Variants in WDFY2 observed in about 807,000 individuals in gnomAD.
WDFY2 encodes WD repeat and FYVE domain containing 2, also known as WD repeat and FYVE domain-containing protein 2.
WDFY2 carries 36 observed loss-of-function variants against 56.4 expected under a neutral mutation model. The observed-to-expected ratio is 0.64, with a 90% CI of 0.49 to 0.84. The LOEUF (loss-of-function observed/expected upper bound fraction) is 0.84, where lower values mean the gene tolerates loss of function less well. Among genes scored for constraint, WDFY2 ranks in the 40% least tolerant of loss-of-function variants. The probability of loss-of-function intolerance (pLI) is 0.00; values close to 1 mark genes in which losing one functional copy is unlikely to be tolerated. For missense variants in WDFY2, 444 were observed against 512.2 expected, an observed-to-expected ratio of 0.87 and a Z score of 1.29; for synonymous variants, 176 against 183.7, an observed-to-expected ratio of 0.96 and a Z score of 0.34.
At chr13:51,587,505 G>T (rs1279528085) in intron 1 of WDFY2, 1 of 152,160 alleles carries the variant, frequency 6.6e-6, no homozygotes, top group Non-Finnish European at 1.5e-5. Context: ...CCTATGAAAG[G>T]CTTATGTGGA....
intron 1 of WDFY2, among the ~76,000 whole-genome samples, chr13:51,638,278 G>A (rs1305089111): frequency 6.6e-6 from 1 of 152,130 alleles, no homozygotes; most frequent in East Asian, 1.9e-4. Context: ...AAGGAGTAAG[G>A]AGACCAGCTA....
At chr13:51,590,850 C>T (rs1174855591) in intron 1 of WDFY2, 1 of 151,986 alleles carries the variant, frequency 6.6e-6, no homozygotes, top group African/African-American at 2.4e-5. Flanking sequence ...GGGCAGGGAG[C>T]CTCTTCATCC....
At chr13:51,683,933 A>G (rs908937322) in intron 3 of WDFY2, among the ~76,000 whole-genome samples, 1 of 152,060 alleles carries the variant, frequency 6.6e-6, no homozygotes, top group African/African-American at 2.4e-5. Context: ...TCTTTCCAAG[A>G]TGTGTGCCCT....
intron 1 of WDFY2, among the ~76,000 whole-genome samples, chr13:51,652,987 T>C (rs1955426381): frequency 6.6e-6 from 1 of 152,186 alleles, no homozygotes; most frequent in Non-Finnish European, 1.5e-5. Context: ...CTGGATAATA[T>C]CCTGCACAGT....
chr13:51,703,046 A>C (rs1952016403), intron 3 of WDFY2, among the ~76,000 whole-genome samples: 2 of 152,200 alleles, frequency 1.3e-5, no homozygotes, highest in Admixed American at 6.5e-5. Context: ...ATCTCATTAC[A>C]TTGAGAAGTG....
At chr13:51,741,575 G>C (rs1305946612) in intron 7 of WDFY2, among the ~76,000 whole-genome samples, 2 of 152,194 alleles carry the variant, frequency 1.3e-5, no homozygotes, top group Non-Finnish European at 2.9e-5. Context: ...CTTTCAGGCA[G>C]GCAGGGAACA....
At chr13:51,601,239 T>C (rs1421285019) in intron 1 of WDFY2, among the ~76,000 whole-genome samples, 1 of 152,132 alleles carries the variant, frequency 6.6e-6, no homozygotes, top group Non-Finnish European at 1.5e-5. Flanking sequence ...GCCAAGCATA[T>C]ATGGGCACAG....
At chr13:51,700,170 C>G (rs556644657) in intron 3 of WDFY2, among the ~76,000 whole-genome samples, 1 of 152,034 alleles carries the variant, frequency 6.6e-6, no homozygotes, top group Admixed American at 6.6e-5. Flanking sequence ...TACGCCAGAC[C>G]GTTAACATTG....
chr13:51,730,079 A>G (rs1952690292), intron 6 of WDFY2, among the ~76,000 whole-genome samples: 1 of 152,186 alleles, frequency 6.6e-6, no homozygotes, highest in African/African-American at 2.4e-5. Flanking sequence ...GGAATCATGC[A>G]GTATTTGTCC....
rs367959052 is a variant in WDFY2 at position 51,740,723 on chromosome 13, A to AG, written c.725+1548_725+1549insG. On this transcript the variant is annotated intron_variant, in intron 7 of 11. Transcript: ENST00000298125. ...AGCAAGACTCCGTCTCAAAAAAAAAAAAAAAAGCCAAAGCACAGTTGTGTT... is the reference window on the plus strand; with the variant it reads ...AGCAAGACTCCGTCTCAAAAAAAAAAGAAAAAAGCCAAAGCACAGTTGTGTT... Among the ~76,000 whole-genome samples the AG allele has an allele frequency of 2.0e-3, 303 of 152,236 alleles. 1 individual carries two copies. Among genetic ancestry groups the AG allele is most frequent in the African/African-American group, 5.7e-3 (238 of 41,550 alleles).
chr13:51,693,586 G>A (rs1156589705), intron 3 of WDFY2, among the ~76,000 whole-genome samples: 1 of 152,146 alleles, frequency 6.6e-6, no homozygotes, highest in African/African-American at 2.4e-5. Context: ...ATTTGCTGAG[G>A]AGAGCTTTAC....
At chr13:51,619,321 G>A (rs979250439) in intron 1 of WDFY2, among the ~76,000 whole-genome samples, 1 of 151,966 alleles carries the variant, frequency 6.6e-6, no homozygotes, top group Admixed American at 6.6e-5. Context: ...AAAATTAGCT[G>A]GGCATGGTGG....
intron 2 of WDFY2, among the ~76,000 whole-genome samples, chr13:51,671,641 T>C (rs1256772718): frequency 2.0e-5 from 3 of 152,128 alleles, no homozygotes; most frequent in Non-Finnish European, 1.5e-5. Flanking sequence ...AATTGTTTGT[T>C]GTGTGCGTTA....
intron 1 of WDFY2, among the ~76,000 whole-genome samples, chr13:51,608,396 G>T (rs927356610): frequency 6.6e-6 from 1 of 152,104 alleles, no homozygotes; most frequent in Non-Finnish European, 1.5e-5. Flanking sequence ...AAATAGTCAC[G>T]TTTGGCTGGG....
In WDFY2 at chr13:51,767,261, C is replaced by G. The variant is rs1404160587; in HGVS notation, c.*7492C>G. On this transcript the variant is annotated 3_prime_UTR_variant, in exon 12 of 12. Transcript: ENST00000298125. ...ACAGCGTCGCCCACACCCAGCATTG[C>G]TGAGGCCCATCATCCTCCTGCAGAA... is the stretch of plus-strand genomic sequence containing the variant. The G allele has an allele frequency of 6.6e-6, 1 of 152,288 alleles. No individual in the cohort carries two copies. The highest frequency in any genetic ancestry group is 1.5e-5 in the Non-Finnish European group (1 of 68,066). The allele number at this position is 152,288 out of a possible 1,614,324, so 9.4% of individuals were successfully genotyped here. A position where few individuals can be genotyped will look rare whatever the true frequency, so the allele number is the denominator to read the frequency against.
chr13:51,660,712 A>G, intron 2 of WDFY2, 49 bp downstream of exon 2: 1 of 1,546,072 alleles, frequency 6.5e-7, no homozygotes, highest in Non-Finnish European at 8.9e-7. Context: ...TCCTTCCCAG[A>G]TTGCCTTCTC....
chr13:51,712,473 A>G (rs988651305), intron 4 of WDFY2, among the ~76,000 whole-genome samples: 4 of 152,148 alleles, frequency 2.6e-5, no homozygotes, highest in African/African-American at 9.7e-5. Context: ...AATATACCAG[A>G]ATTTATGGTA....
Position 51,767,560 on chromosome 13 carries a change from C to CAACT in WDFY2, c.*7792_*7795dup, listed in dbSNP as rs1953788944. ...CTAAATCTGCTCATTGGTTTTATTA[C>CAACT]AACTTTTCCTGGAGTCACTAAGAGG... On this transcript the variant is annotated 3_prime_UTR_variant, in exon 12 of 12. Coordinates refer to ENST00000298125, the MANE Select transcript of WDFY2 (RefSeq NM_052950.4). The CAACT allele has an allele frequency of 6.5e-6, 1 of 152,672 alleles. No homozygotes were observed. The highest frequency in any genetic ancestry group is 6.5e-5 in the Admixed American group (1 of 15,368). The allele number at this position is 152,672 out of a possible 1,614,324, so 9.5% of individuals were successfully genotyped here.
intron 4 of WDFY2, among the ~76,000 whole-genome samples, chr13:51,717,121 A>G (rs1952371205): frequency 6.6e-6 from 1 of 152,202 alleles, no homozygotes; most frequent in Non-Finnish European, 1.5e-5. Context: ...TCAAGGCAAG[A>G]AAGATGTCCC....
Sources: allele counts gnomAD v4.1 joint callset (sites outside exome capture counted in the v4.1 genomes callset), GRCh38; gene constraint gnomAD v4.1.1; transcripts MANE v1.5; gene names NCBI Gene and HGNC (gene_info 2026-07-23, HGNC 2026-07-21).